The following WAS variants were observed in gnomAD, a reference collection of about 807,000 sequenced individuals.
The protein encoded by WAS is actin nucleation-promoting factor WAS.
In WAS, 1 loss-of-function variant was observed where a neutral mutation model predicts 38.9. The ratio of observed to expected loss-of-function variants is 0.03; its 90% CI spans 0.01 to 0.12. WAS has a LOEUF of 0.12. Ranked by LOEUF, WAS falls within the 10% of genes least tolerant of loss-of-function variation. The pLI, the probability that WAS is intolerant of heterozygous loss-of-function variation, is 1.00. For synonymous variants in WAS, 182 were observed against 173.6 expected (o/e 1.05, Z -0.38); for missense variants, 311 against 431.2 (o/e 0.72, Z 2.47).
upstream of WAS, among the ~76,000 whole-genome samples, chrX:48,683,593 G>T (rs1557006160): frequency 9.0e-6 from 1 of 111,045 alleles, no homozygotes; most frequent in African/African-American, 3.3e-5. Context: ...GCCCCAGAGA[G>T]TAAGAAAGGG....
Position 48,689,310 on chromosome X carries a change from C to A in WAS, c.1339-10C>A. ...CCTAAGCCCTCTGTGCTGATCCCTG[C>A]CTGCTGCAGACCCCTGGGGCCCCAG... is the stretch of plus-strand genomic sequence containing the variant. On this transcript the variant is annotated splice_polypyrimidine_tract_variant and intron_variant, in intron 10 of 11. Coordinates refer to ENST00000376701, the MANE Select transcript of WAS (RefSeq NM_000377.3). 8.4e-7 allele frequency: 1 copy of A among 1,190,109 alleles called. No individual in the cohort carries two copies. The highest frequency in any genetic ancestry group is 1.1e-6 in the Non-Finnish European group (1 of 882,222).
upstream of WAS, chrX:48,683,718 G>A (rs1387750826): frequency 1.0e-6 from 1 of 995,057 alleles, no homozygotes; most frequent in Non-Finnish European, 1.3e-6. Context: ...GGCCCACCAA[G>A]GGGCCCCTGG....
intron 6 of WAS, among the ~76,000 whole-genome samples, chrX:48,686,367 T>C (rs1312017936): frequency 9.0e-6 from 1 of 111,236 alleles, no homozygotes; most frequent in African/African-American, 3.3e-5. Context: ...GATAGATGCA[T>C]AGGTGAATGG....
chrX:48,678,436 G>C (rs2062395030), intron 1 of WAS, among the ~76,000 whole-genome samples: 1 of 111,388 alleles, frequency 9.0e-6, no homozygotes, highest in Admixed American at 9.6e-5. Flanking sequence ...GGCTTGGGGT[G>C]TGGTGATCAG....
chrX:48,685,676 G>A (rs2062416793), intron 3 of WAS, 43 bp downstream of exon 3: 1 of 1,170,846 alleles, frequency 8.5e-7, no homozygotes. Flanking sequence ...GGGGTGTGGA[G>A]AGGAGATGGG....
rs2062439092 is a variant in WAS, at chrX:48,691,268, C to G, written c.*106C>G. 2.6e-6 allele frequency: 2 copies of G among 780,319 alleles called. No homozygotes were observed. The highest frequency in any genetic ancestry group is 2.2e-5 in the South Asian group (1 of 45,007). The allele number at this position is 780,319 out of a possible 1,213,427, so 64.3% of individuals were successfully genotyped here. A position where few individuals can be genotyped will look rare whatever the true frequency, so the allele number is the denominator to read the frequency against. On this transcript the variant is annotated 3_prime_UTR_variant, in exon 12 of 12. Coordinates refer to ENST00000376701, the MANE Select transcript of WAS (RefSeq NM_000377.3). ...TCTCCTCTTCCAGGCCCCCAACCCC[C>G]CATTTCTTCCCCACCAACCCCTCCA... is the stretch of plus-strand genomic sequence containing the variant.
chrX:48,684,034 C>T, intron 1 of WAS, 49 bp downstream of exon 1: 1 of 1,184,034 alleles, frequency 8.4e-7, no homozygotes, highest in South Asian at 1.8e-5. Flanking sequence ...GTTTCTTCCT[C>T]TTCCTCTCCT....
At position 48,685,736 on chromosome X, in the gene WAS, C is replaced by T; in HGVS notation, c.363C>T (p.Asp121=). 8.5e-7 allele frequency: 1 copy of T among 1,177,177 alleles called. No individual in the cohort carries two copies. Among genetic ancestry groups the T allele is most frequent in the Non-Finnish European group, 1.1e-6 (1 of 877,423 alleles). The change falls in exon 4 of 12, where the codon GAC becomes GAT. Residue 121 remains aspartate (D), a splice_region_variant and synonymous_variant. Coordinates refer to ENST00000376701, the MANE Select transcript of WAS (RefSeq NM_000377.3). ...TPFFHTFAGD[D]CQAGLNFADE... ...GGCTGACCCCAAGGTATGTGCAGGACTGCCAAGCGGGGCTGAACTTTGCAG... is the reference window on the plus strand; with the variant it reads ...GGCTGACCCCAAGGTATGTGCAGGATTGCCAAGCGGGGCTGAACTTTGCAG...
intron 1 of WAS, among the ~76,000 whole-genome samples, chrX:48,677,889 T>A (rs911703531): frequency 1.8e-5 from 2 of 111,590 alleles, no homozygotes; most frequent in African/African-American, 6.5e-5. Context: ...AGCATAGCTA[T>A]CCAGACTGCA....
chrX:48,690,767 T>G (rs1372049354), intron 11 of WAS, among the ~76,000 whole-genome samples: 1 of 111,365 alleles, frequency 9.0e-6, no homozygotes, highest in African/African-American at 3.3e-5. Flanking sequence ...TTAACCCCAT[T>G]ATGTGTCAAA....
chrX:48,689,505 G>A lies in WAS; in HGVS notation c.1453+71G>A, dbSNP rs1465964440. 3.3e-6 allele frequency: 3 copies of A among 905,936 alleles called. No homozygotes were observed. In the African/African-American group the frequency reaches 5.9e-5, roughly 18 times the overall value. The allele number at this position is 905,936 out of a possible 1,213,427, so 74.7% of individuals were successfully genotyped here. On this transcript the variant is annotated intron_variant, in intron 11 of 11. Coordinates refer to ENST00000376701, the MANE Select transcript of WAS (RefSeq NM_000377.3). ...CACTGGCCTCAAAACAATCCCAGCA[G>A]TCACCACCAATAGTGACATCAGCCC...
upstream of WAS, among the ~76,000 whole-genome samples, chrX:48,680,599 T>C (rs1442047102): frequency 9.0e-6 from 1 of 111,526 alleles, no homozygotes; most frequent in African/African-American, 3.3e-5. Flanking sequence ...TATGATGCAC[T>C]AGCATGCTAA....
At chrX:48,688,241 C>T (rs192079438) in intron 8 of WAS, 59 bp from the exon 9 acceptor site, 127 of 1,165,414 alleles carry the variant, frequency 1.1e-4, no homozygotes, top group Non-Finnish European at 1.4e-4. Flanking sequence ...CAATCCATGT[C>T]GCTTGTCTCC....
At chrX:48,677,297 G>T (rs1411925545) in intron 1 of WAS, among the ~76,000 whole-genome samples, 1 of 110,991 alleles carries the variant, frequency 9.0e-6, no homozygotes, top group Non-Finnish European at 1.9e-5. Context: ...ATCCACCAAT[G>T]GTGGTGGAAC....
chrX:48,679,349 GTTTT>G (rs1320958709), upstream of WAS, among the ~76,000 whole-genome samples: 6 of 111,631 alleles, frequency 5.4e-5, no homozygotes, highest in Non-Finnish European at 1.1e-4. Context: ...GTTTTGTTTT[GTTTT>G]GTTTTTTAGA....
chrX:48,681,565 A>G (rs1557005763), upstream of WAS, among the ~76,000 whole-genome samples: 1 of 112,731 alleles, frequency 8.9e-6, no homozygotes, highest in African/African-American at 3.2e-5. Context: ...ATCAAATTGG[A>G]TATCATTACT....
chrX:48,686,979 C>T (rs2062422384), intron 7 of WAS, 24 bp downstream of exon 7: 2 of 1,189,151 alleles, frequency 1.7e-6, no homozygotes. Flanking sequence ...CCCAGTGGAC[C>T]CACAGATTCC....
chrX:48,689,413 A>G lies in WAS; in HGVS notation c.1432A>G (p.Ser478Gly). The G allele has an allele frequency of 8.3e-7, 1 of 1,208,842 alleles. No individual in the cohort carries two copies. Among genetic ancestry groups the G allele is most frequent in the Non-Finnish European group, 1.1e-6 (1 of 894,350 alleles). The change falls in exon 11 of 12, where the codon AGC becomes GGC. Residue 478 changes from serine (S) to glycine (G), a missense_variant. Transcript: ENST00000376701. ...GALMHVMQKR[S>G]RAIHSSDEGE... ...CCTGATGCACGTGATGCAGAAGAGA[A>G]GCAGAGCCATCCACTCCTCCGGTGA... is the stretch of plus-strand genomic sequence containing the variant.
At chrX:48,679,633 A>G (rs1336277188), upstream of WAS, among the ~76,000 whole-genome samples, 1 of 110,084 alleles carries the variant, frequency 9.1e-6, no homozygotes, top group Non-Finnish European at 1.9e-5. Flanking sequence ...AAAATATGAT[A>G]ATTAGCGAGG....
Sources: gnomAD v4.1 joint callset for allele counts (sites outside exome capture counted in the v4.1 genomes callset) on GRCh38, gnomAD v4.1.1 for gene constraint, MANE v1.5 for transcripts, NCBI Gene and HGNC (gene_info 2026-07-23, HGNC 2026-07-21) for gene names.